The following PCDHA3 variants were observed in gnomAD, a reference collection of about 807,000 sequenced individuals.
PCDHA3 encodes protocadherin alpha 3, also known as protocadherin alpha-3.
PCDHA3 carries 41 observed loss-of-function variants against 62.2 expected under a neutral mutation model. The observed-to-expected ratio is 0.66, with a 90% CI of 0.51 to 0.86. The LOEUF (loss-of-function observed/expected upper bound fraction) is 0.86, where lower values mean the gene tolerates loss of function less well. PCDHA3 is among the 40% of genes least tolerant of loss of function. The pLI is 0.00. For synonymous variants in PCDHA3, 640 were observed against 555.4 expected (o/e 1.15, Z -2.14); for missense variants, 1,304 against 1,241.2 (o/e 1.05, Z -0.76).
intron 1 of PCDHA3, chr5:140,860,473 G>A (rs534132649): frequency 6.6e-6 from 1 of 152,258 alleles, no homozygotes; most frequent in South Asian, 2.1e-4. Flanking sequence ...AGTTGGTGCA[G>A]TAGTACTTTA....
intron 1 of PCDHA3, chr5:140,969,215 C>A (rs782320507): frequency 6.2e-7 from 1 of 1,614,010 alleles, no homozygotes; most frequent in Admixed American, 1.7e-5. Context: ...CCAGACAGGA[C>A]CAGGGCCTTC....
chr5:140,880,528 A>T lies in PCDHA3; in HGVS notation c.2394+76937A>T, dbSNP rs539592135. ...GTTTGGTCACATCTCTCAATGTGTGAATCATCTGAAAGTGAACTGATGGAA... is the reference window on the plus strand; with the variant it reads ...GTTTGGTCACATCTCTCAATGTGTGTATCATCTGAAAGTGAACTGATGGAA... On this transcript the variant is annotated intron_variant, in intron 1 of 3. Coordinates refer to ENST00000522353, the MANE Select transcript of PCDHA3 (RefSeq NM_018906.3). 7.9e-5 allele frequency among the ~76,000 whole-genome samples: 12 copies of T among 152,354 alleles called. No homozygotes were observed. The East Asian group carries it at 2.3e-3, about 29-fold the overall frequency.
intron 1 of PCDHA3, among the ~76,000 whole-genome samples, chr5:140,970,867 G>A (rs1207924606): frequency 6.6e-6 from 1 of 152,124 alleles, no homozygotes; most frequent in Non-Finnish European, 1.5e-5. Flanking sequence ...ATTCCTGATT[G>A]AGAGTAGATT....
rs1475704020 is a variant in PCDHA3 at position 140,802,588 on chromosome 5, T to C, written c.1391T>C (p.Val464Ala). The C allele has an allele frequency of 4.3e-6, 7 of 1,612,752 alleles. No homozygotes were observed. The African/African-American group carries it at 9.4e-5, about 22-fold the overall frequency. ...AFSQSEYTVF[V>A]KENNPPGCHI... ...TCGCAGTCCGAGTACACGGTGTTCGTGAAGGAGAACAACCCGCCGGGCTGC... is the reference window on the plus strand; with the variant it reads ...TCGCAGTCCGAGTACACGGTGTTCGCGAAGGAGAACAACCCGCCGGGCTGC... The change falls in exon 1 of 4, where the codon GTG (valine) becomes GCG (alanine). Residue 464 changes from valine to alanine, a missense_variant. Coordinates refer to ENST00000522353, the MANE Select transcript of PCDHA3 (RefSeq NM_018906.3).
chr5:140,963,526 T>G (rs1359195018), intron 1 of PCDHA3, among the ~76,000 whole-genome samples: 3 of 152,204 alleles, frequency 2.0e-5, no homozygotes, highest in Non-Finnish European at 4.4e-5. Flanking sequence ...ATAACAGAAG[T>G]CCCATTTACT....
intron 1 of PCDHA3, chr5:140,926,672 C>T (rs2083457109): frequency 1.7e-6 from 1 of 583,596 alleles, no homozygotes; most frequent in Admixed American, 3.9e-5. Flanking sequence ...GACGGCTGCC[C>T]AGCCTCCAGC....
intron 1 of PCDHA3, chr5:140,876,457 T>C: frequency 6.2e-7 from 1 of 1,614,008 alleles, no homozygotes; most frequent in Non-Finnish European, 8.5e-7. Flanking sequence ...AGGGATTCCT[T>C]CCATGGCAGG....
intron 3 of PCDHA3, among the ~76,000 whole-genome samples, chr5:140,982,882 C>CAGAGA (rs1353974224): frequency 6.6e-6 from 1 of 151,972 alleles, no homozygotes; most frequent in African/African-American, 2.4e-5. Context: ...CCAAGCCATG[C>CAGAGA]AGAGAAGATC....
chr5:140,829,101 T>C lies in PCDHA3; in HGVS notation c.2394+25510T>C, dbSNP rs2150162568. 8 of 1,611,922 alleles carry C rather than the reference T, an allele frequency of 5.0e-6. No homozygotes were observed. In the Admixed American group the frequency reaches 1.3e-4, roughly 27 times the overall value. ...CCCATGGCGGGTCATTGCACCGTTT[T>C]AGTGAGAATTTTGGATAAAAATGAT... On this transcript the variant is annotated intron_variant, in intron 1 of 3. Transcript: ENST00000522353.
intron 1 of PCDHA3, chr5:140,836,833 A>G (rs2150270629): frequency 1.5e-5 from 13 of 887,974 alleles, no homozygotes; most frequent in Non-Finnish European, 2.2e-5. Flanking sequence ...TTTAGTTGAT[A>G]GCTTTATGTA....
intron 1 of PCDHA3, among the ~76,000 whole-genome samples, chr5:140,947,509 T>C (rs1358803536): frequency 2.6e-5 from 4 of 151,722 alleles, no homozygotes; most frequent in Non-Finnish European, 4.4e-5. Flanking sequence ...AATTTTCATA[T>C]AAATTTTAGA....
rs377081112 is a variant in PCDHA3 at position 140,871,063 on chromosome 5, G to T, written c.2394+67472G>T. The T allele has an allele frequency of 1.1e-5, 18 of 1,613,154 alleles. No homozygotes were observed. In the African/African-American group the frequency reaches 2.0e-4, roughly 18 times the overall value. On this transcript the variant is annotated intron_variant, in intron 1 of 3. Transcript: ENST00000522353. ...ACTTCTAGTACTGGTGAAGGATCAC[G>T]GTGAGCCGGCGCTGACGGCCACGGC...
chr5:140,850,626 T>C (rs1554144591), intron 1 of PCDHA3: 1 of 1,598,444 alleles, frequency 6.3e-7, no homozygotes, highest in African/African-American at 1.3e-5. Flanking sequence ...GTCTAGCCTG[T>C]TGGTTCTCAC....
chr5:140,970,210 C>G (rs184537292), intron 1 of PCDHA3, among the ~76,000 whole-genome samples: 1 of 152,190 alleles, frequency 6.6e-6, no homozygotes, highest in Non-Finnish European at 1.5e-5. Context: ...CTGAATTTAG[C>G]TTAAATGCAG....
At chr5:140,941,334 T>C (rs1398027134) in intron 1 of PCDHA3, among the ~76,000 whole-genome samples, 2 of 133,354 alleles carry the variant, frequency 1.5e-5, no homozygotes, top group African/African-American at 5.5e-5. Flanking sequence ...TTTTTTTTTT[T>C]CAGATGGAGT....
At chr5:141,004,497 T>C (rs2098168493) in intron 3 of PCDHA3, among the ~76,000 whole-genome samples, 1 of 152,218 alleles carries the variant, frequency 6.6e-6, no homozygotes, top group South Asian at 2.1e-4. Context: ...TTGGCAGTCC[T>C]GCTGTGAGGG....
intron 1 of PCDHA3, chr5:140,829,939 C>A (rs1375837368): frequency 6.2e-7 from 1 of 1,613,870 alleles, no homozygotes; most frequent in African/African-American, 1.3e-5. Context: ...CCCCGGCAAG[C>A]AGCGCTCGCT....
At chr5:140,829,555 G>A in intron 1 of PCDHA3, 1 of 1,612,836 alleles carries the variant, frequency 6.2e-7, no homozygotes, top group Non-Finnish European at 8.5e-7. Context: ...AGGAGAACGC[G>A]CTGGTGTCCT....
chr5:140,849,881 G>T, intron 1 of PCDHA3: 1 of 1,598,596 alleles, frequency 6.3e-7, no homozygotes, highest in Non-Finnish European at 8.6e-7. Flanking sequence ...AGTACACGGT[G>T]TTCGTGAAGG....
Sources: allele counts gnomAD v4.1 joint callset (sites outside exome capture counted in the v4.1 genomes callset), GRCh38; gene constraint gnomAD v4.1.1; transcripts MANE v1.5; gene names NCBI Gene and HGNC (gene_info 2026-07-23, HGNC 2026-07-21).